CEP44: variants seen among roughly 807,000 people sequenced by gnomAD.
The protein encoded by CEP44 is centrosomal protein 44, also known as centrosomal protein of 44 kDa.
CEP44 carries 45 observed loss-of-function variants against 46.7 expected under a neutral mutation model. That is an observed-to-expected ratio of 0.96 (90% CI 0.76 to 1.24). The LOEUF (loss-of-function observed/expected upper bound fraction) is 1.24, where lower values mean the gene tolerates loss of function less well. Ranked by LOEUF, CEP44 falls within the 50% of genes most tolerant of loss-of-function variation. The pLI, the probability that CEP44 is intolerant of heterozygous loss-of-function variation, is 0.00. For missense variants in CEP44, 475 were observed against 459.7 expected, an observed-to-expected ratio of 1.03 and a Z score of -0.30; for synonymous variants, 142 against 146.0, an observed-to-expected ratio of 0.97 and a Z score of 0.20.
At chr4:174,293,162 G>T (rs976410264) in intron 1 of CEP44, among the ~76,000 whole-genome samples, 4 of 152,256 alleles carry the variant, frequency 2.6e-5, no homozygotes, top group African/African-American at 9.6e-5. Context: ...GCTTGGGTGG[G>T]TGTGGTTCCT....
rs1287661011 is a variant in CEP44 at position 174,287,922 on chromosome 4, T to A, written c.-148+3979T>A. Among the ~76,000 whole-genome samples the A allele has an allele frequency of 6.6e-6, 1 of 152,200 alleles. No homozygotes were observed. The highest frequency in any genetic ancestry group is 1.9e-4 in the East Asian group (1 of 5,192). On this transcript the variant is annotated intron_variant, in intron 1 of 11. Coordinates refer to ENST00000503780, the MANE Select transcript of CEP44 (RefSeq NM_001040157.3). This position sits in a 1 kb window ranked among gnomAD's most constrained non-coding sequence, Gnocchi z 5.1. The stretch of plus-strand genomic sequence containing the variant: ...TCTGAAATTCTCTTCTTGCATCTGC[T>A]AACTGAACGAGAAAATTCTGTGTGT...
At position 174,314,986 on chromosome 4, in the gene CEP44, C is replaced by T. The variant is rs1249495457; in HGVS notation, c.962-1180C>T. Among the ~76,000 whole-genome samples, 1 of 152,160 alleles carries T rather than the reference C, an allele frequency of 6.6e-6. No individual in the cohort carries two copies. The highest frequency in any genetic ancestry group is 1.5e-5 in the Non-Finnish European group (1 of 68,040). On this transcript the variant is annotated intron_variant, in intron 9 of 11. Coordinates refer to ENST00000503780, the MANE Select transcript of CEP44 (RefSeq NM_001040157.3). This position sits in a 1 kb window ranked among gnomAD's most constrained non-coding sequence, Gnocchi z 4.1. ...TTAGTCAAATGATATTGAGCCTGGG[C>T]CGGGCTGGCCATGTGGTGGAAGTTT... is the stretch of plus-strand genomic sequence containing the variant.
chr4:174,322,728 A>T (rs959357617), downstream of CEP44, among the ~76,000 whole-genome samples: 2 of 152,158 alleles, frequency 1.3e-5, no homozygotes, highest in Non-Finnish European at 2.9e-5. Flanking sequence ...CCCCCATATT[A>T]TGATAGAATT....
chr4:174,288,650 G>A lies in CEP44; in HGVS notation c.-148+4707G>A, dbSNP rs1430884127. ...ATTTGTTTATTCTCACATTTTTGTTGGGGTCCCTAAGGTTTTCTACATCTA... is the reference window on the plus strand; with the variant it reads ...ATTTGTTTATTCTCACATTTTTGTTAGGGTCCCTAAGGTTTTCTACATCTA... On this transcript the variant is annotated intron_variant, in intron 1 of 11. Transcript: ENST00000503780. This position sits in a 1 kb window ranked among gnomAD's most constrained non-coding sequence, Gnocchi z 4.6. 1.3e-5 allele frequency among the ~76,000 whole-genome samples: 2 copies of A among 151,888 alleles called. No individual in the cohort carries two copies. The highest frequency in any genetic ancestry group is 2.9e-5 in the Non-Finnish European group (2 of 67,936).
In CEP44 at chr4:174,317,476, C is replaced by G. The variant is rs1268246329; in HGVS notation, c.*93C>G. ...TATACAATTTTAATATACTGCAATA[C>G]TGCAGTTTTTGACAATTTGGATTCC... On this transcript the variant is annotated 3_prime_UTR_variant, in exon 12 of 12. Coordinates refer to ENST00000503780, the MANE Select transcript of CEP44 (RefSeq NM_001040157.3). 8.0e-7 allele frequency: 1 copy of G among 1,247,220 alleles called. No individual in the cohort carries two copies. Among genetic ancestry groups the G allele is most frequent in the Non-Finnish European group, 1.0e-6 (1 of 972,690 alleles). 77.3% of individuals were successfully genotyped at this position (1,247,220 alleles called of 1,614,324 possible).
intron 6 of CEP44, among the ~76,000 whole-genome samples, chr4:174,307,874 C>A (rs1016950276): frequency 1.3e-5 from 2 of 152,144 alleles, no homozygotes; most frequent in Non-Finnish European, 2.9e-5. Flanking sequence ...CATCACTGAT[C>A]ATTAGAAAAA....
downstream of CEP44, among the ~76,000 whole-genome samples, chr4:174,324,008 G>A (rs893596719): frequency 7.9e-5 from 12 of 152,154 alleles, no homozygotes; most frequent in African/African-American, 2.9e-4. Context: ...TCAACTAGAA[G>A]CAAGCGACTA....
Position 174,302,023 on chromosome 4 carries a change from CTT to C in CEP44, c.90-10_90-9del. 6.4e-7 allele frequency: 1 copy of C among 1,572,104 alleles called. No homozygotes were observed. The highest frequency in any genetic ancestry group is 1.2e-5 in the South Asian group (1 of 82,626). On this transcript the variant is annotated splice_polypyrimidine_tract_variant and intron_variant, in intron 3 of 11. Coordinates refer to ENST00000503780, the MANE Select transcript of CEP44 (RefSeq NM_001040157.3). The stretch of plus-strand genomic sequence containing the variant: ...TTAAATGCTTATTAAAAATATTTTT[CTT>C]TTTTTCCTAACAGTTTGATAAAGGG...
In CEP44 at chr4:174,297,232, A is replaced by AT. The variant is rs781489005; in HGVS notation, c.-147-725dup. ...CCTTCTATTCTTGTTTTAGGTTTTA[A>AT]TTTTTTTTTCTAATCTCATTGAGAA... On this transcript the variant is annotated intron_variant, in intron 1 of 11. Transcript: ENST00000503780. This position sits in a 1 kb window ranked among gnomAD's most constrained non-coding sequence, Gnocchi z 4.3. Among the ~76,000 whole-genome samples the AT allele has an allele frequency of 1.6e-3, 243 of 150,754 alleles. 1 individual carries two copies. The highest frequency in any genetic ancestry group is 5.3e-3 in the African/African-American group (217 of 41,082).
intron 6 of CEP44, among the ~76,000 whole-genome samples, chr4:174,306,117 A>C (rs942652693): frequency 1.3e-5 from 2 of 152,114 alleles, no homozygotes; most frequent in Non-Finnish European, 2.9e-5. Flanking sequence ...TAGTATGCCT[A>C]TTTGCGCTTC....
At chr4:174,308,085 A>T (rs1740639242) in intron 6 of CEP44, among the ~76,000 whole-genome samples, 1 of 152,148 alleles carries the variant, frequency 6.6e-6, no homozygotes, top group Non-Finnish European at 1.5e-5. Flanking sequence ...TTGACCCAGC[A>T]GTCCCGTTAC....
Position 174,331,441 on chromosome 4 carries a change from T to G in CEP44, c.1087-41T>G. On this transcript the variant is annotated intron_variant, in intron 8 of 8. Coordinates refer to the CEP44 transcript ENST00000426172. This position sits in a 1 kb window ranked among gnomAD's most constrained non-coding sequence, Gnocchi z 4.5. ...TATCTACCCATTCTGCCAATGCATT[T>G]AGATCATATTTTAATGTATAATTTT... 6.5e-7 allele frequency: 1 copy of G among 1,547,302 alleles called. No individual in the cohort carries two copies. The highest frequency in any genetic ancestry group is 8.7e-7 in the Non-Finnish European group (1 of 1,144,630).
At chr4:174,299,038 A>G (rs1278787573) in intron 2 of CEP44, 34 bp from the exon 3 acceptor site, 1 of 1,204,430 alleles carries the variant, frequency 8.3e-7, no homozygotes, top group African/African-American at 1.5e-5. Flanking sequence ...AAATACAGAG[A>G]CTTAACCAGT....
chr4:174,308,894 AT>A, intron 7 of CEP44, 35 bp downstream of exon 7: 1 of 1,571,546 alleles, frequency 6.4e-7, no homozygotes, highest in Non-Finnish European at 8.7e-7. Context: ...AGATGCCAGT[AT>A]TTTTTACTTA....
At chr4:174,307,116 A>G (rs1740499358) in intron 6 of CEP44, among the ~76,000 whole-genome samples, 2 of 152,214 alleles carry the variant, frequency 1.3e-5, no homozygotes, top group Non-Finnish European at 2.9e-5. Context: ...AAACTACTTT[A>G]AAATTTATAT....
rs145100467 is a variant in CEP44 at position 174,297,711 on chromosome 4, C to T, written c.-147-255C>T. 2.6e-4 allele frequency among the ~76,000 whole-genome samples: 39 copies of T among 151,542 alleles called. No homozygotes were observed. The highest frequency in any genetic ancestry group is 5.8e-4 in the East Asian group (3 of 5,140). On this transcript the variant is annotated intron_variant, in intron 1 of 11. Transcript: ENST00000503780. The surrounding 1 kb of genome is among the most constrained non-coding windows in gnomAD (Gnocchi z 4.3). ...TTTCATTAATACTTCTTTCTGCCTT[C>T]GAACACTTCCTTCTGTATTGTTCGC...
chr4:174,312,076 G>T lies in CEP44; in HGVS notation c.961+1218G>T, dbSNP rs1049110087. Among the ~76,000 whole-genome samples, 2 of 152,124 alleles carry T rather than the reference G, an allele frequency of 1.3e-5. No homozygotes were observed. Among genetic ancestry groups the T allele is most frequent in the African/African-American group, 4.8e-5 (2 of 41,430 alleles). On this transcript the variant is annotated intron_variant, in intron 9 of 11. Transcript: ENST00000503780. This position sits in a 1 kb window ranked among gnomAD's most constrained non-coding sequence, Gnocchi z 4.5. ...TGCCTGTCTAGCACACAGAAAGTAT[G>T]TCGGTGCTTTTATCACCAGTATTTG...
Position 174,314,788 on chromosome 4 carries a change from C to T in CEP44, c.962-1378C>T, listed in dbSNP as rs73867210. Among the ~76,000 whole-genome samples the T allele has an allele frequency of 8.7e-3, 1,322 of 152,296 alleles. 14 individuals carry two copies. Among genetic ancestry groups the T allele is most frequent in the African/African-American group, 0.03 (1,264 of 41,562 alleles). ...AATAACCTCTTGTCCATAGCTCCTA[C>T]TAAAAGATCTGGGTTTAGGTAGTCT... On this transcript the variant is annotated intron_variant, in intron 9 of 11. Transcript: ENST00000503780. The surrounding 1 kb of genome is among the most constrained non-coding windows in gnomAD (Gnocchi z 4.1).
intron 1 of CEP44, among the ~76,000 whole-genome samples, chr4:174,294,188 C>T (rs1156587815): frequency 6.6e-6 from 1 of 150,854 alleles, no homozygotes; most frequent in Admixed American, 6.6e-5. Context: ...GAGGACCCTG[C>T]GGCCTTCCGC....
Sources: gnomAD v4.1 joint callset for allele counts (sites outside exome capture counted in the v4.1 genomes callset) on GRCh38, gnomAD v4.1.1 for gene constraint, Gnocchi (gnomAD v3.1) non-coding constraint, MANE v1.5 for transcripts, NCBI Gene and HGNC (gene_info 2026-07-23, HGNC 2026-07-21) for gene names.